EYS: variants seen among roughly 807,000 people sequenced by gnomAD.
The protein encoded by EYS is protein eyes shut homolog.
EYS carries 250 observed loss-of-function variants against 282.1 expected under a neutral mutation model. The observed-to-expected ratio is 0.89, with a 90% CI of 0.80 to 0.98. EYS has a LOEUF of 0.98. Among genes scored for constraint, EYS ranks in the 50% least tolerant of loss-of-function variants. EYS has a pLI of 0.00. For missense variants in EYS, 4,016 were observed against 3,709.0 expected (o/e 1.08, Z -2.15); for synonymous variants, 1,355 against 1,282.9 (o/e 1.06, Z -1.20).
intron 29 of EYS, among the ~76,000 whole-genome samples, chr6:64,337,999 T>A (rs1039987445): frequency 7.2e-5 from 11 of 152,060 alleles, no homozygotes; most frequent in Non-Finnish European, 4.4e-5. Flanking sequence ...AAAAGCCATT[T>A]ATGACAAACC....
chr6:65,188,764 CAAAAA>C (rs777137794), intron 12 of EYS, among the ~76,000 whole-genome samples: 6 of 78,762 alleles, frequency 7.6e-5, no homozygotes, highest in Non-Finnish European at 1.5e-4. Context: ...TTATTGCATG[CAAAAA>C]AAAAAAAAAA....
At chr6:64,500,718 T>G (rs1777011110) in intron 26 of EYS, among the ~76,000 whole-genome samples, 1 of 152,108 alleles carries the variant, frequency 6.6e-6, no homozygotes, top group Admixed American at 6.5e-5. Context: ...TAAATTCAAA[T>G]GCAGAGTGTG....
intron 12 of EYS, among the ~76,000 whole-genome samples, chr6:65,160,603 T>C (rs1764829886): frequency 6.6e-6 from 1 of 150,946 alleles, no homozygotes; most frequent in Non-Finnish European, 1.5e-5. Flanking sequence ...ACACTTTTTG[T>C]AGATGTCTCT....
At chr6:64,948,677 AG>A (rs1769382821) in intron 14 of EYS, among the ~76,000 whole-genome samples, 1 of 149,948 alleles carries the variant, frequency 6.7e-6, no homozygotes, top group South Asian at 2.1e-4. Flanking sequence ...TATTTTTAAA[AG>A]CACATTTTCA....
chr6:64,215,361 A>C (rs1029660533), intron 31 of EYS, among the ~76,000 whole-genome samples: 3 of 152,030 alleles, frequency 2.0e-5, no homozygotes, highest in Non-Finnish European at 4.4e-5. Context: ...AATATTTTAT[A>C]CTTGATTTAC....
intron 33 of EYS, among the ~76,000 whole-genome samples, chr6:64,023,281 G>A (rs1769279738): frequency 6.6e-6 from 1 of 152,164 alleles, no homozygotes; most frequent in Non-Finnish European, 1.5e-5. Context: ...CTCCATTTGG[G>A]TTGTGAACAA....
At chr6:65,597,352 G>C (rs936886781) in intron 2 of EYS, among the ~76,000 whole-genome samples, 2 of 151,922 alleles carry the variant, frequency 1.3e-5, no homozygotes, top group East Asian at 3.9e-4. Flanking sequence ...CAATAAATGA[G>C]GAACACTCTT....
At chr6:65,516,961 T>C (rs59517464) in intron 2 of EYS, among the ~76,000 whole-genome samples, 6,071 of 152,086 alleles carry the variant, frequency 0.04, 281 homozygotes, top group African/African-American at 0.11. Context: ...CACTGTATGA[T>C]GTTGTTATTT....
chr6:64,850,559 G>A (rs1049483141), intron 19 of EYS, among the ~76,000 whole-genome samples: 1 of 151,976 alleles, frequency 6.6e-6, no homozygotes, highest in Non-Finnish European at 1.5e-5. Flanking sequence ...GACAGCAGGA[G>A]GAATTAAACA....
At chr6:65,454,084 T>A (rs899152218) in intron 5 of EYS, among the ~76,000 whole-genome samples, 1 of 151,100 alleles carries the variant, frequency 6.6e-6, no homozygotes, top group Admixed American at 6.7e-5. Context: ...CTATTTTTCA[T>A]TTTTTGAGGA....
At chr6:64,680,670 T>G (rs940750295) in intron 22 of EYS, among the ~76,000 whole-genome samples, 3 of 152,170 alleles carry the variant, frequency 2.0e-5, no homozygotes, top group African/African-American at 7.2e-5. Flanking sequence ...CCCCAACTCA[T>G]AGGGCAGAAT....
At chr6:65,505,608 A>G (rs892834936) in intron 2 of EYS, among the ~76,000 whole-genome samples, 11 of 152,046 alleles carry the variant, frequency 7.2e-5, no homozygotes, top group African/African-American at 2.7e-4. Flanking sequence ...ATTTTCATTT[A>G]GTTCAAAATA....
chr6:65,160,833 ATTATAT>A (rs1177676491), intron 12 of EYS, among the ~76,000 whole-genome samples: 1 of 150,782 alleles, frequency 6.6e-6, no homozygotes, highest in Non-Finnish European at 1.5e-5. Context: ...TGTCTCTATA[ATTATAT>A]TTATTATATT....
At chr6:64,501,952 G>T (rs571751254) in intron 26 of EYS, among the ~76,000 whole-genome samples, 5 of 152,232 alleles carry the variant, frequency 3.3e-5, no homozygotes, top group African/African-American at 1.2e-4. Flanking sequence ...TCTGGAACTT[G>T]GGCAAATTAC....
rs1020350284 is a variant in EYS at position 65,188,403 on chromosome 6, T to C, written c.2023+107460A>G. ...TCTTATTTTCTTAAAAACAGGTTTG[T>C]GTTGTAAACAAAATACAAGGAAATC... On this transcript the variant is annotated intron_variant, in intron 12 of 42. Coordinates refer to ENST00000503581, the MANE Select transcript of EYS (RefSeq NM_001142800.2). Among the ~76,000 whole-genome samples, 10 of 151,890 alleles carry C rather than the reference T, an allele frequency of 6.6e-5. 1 individual carries two copies. The South Asian group carries it at 2.1e-3, about 31-fold the overall frequency.
At chr6:63,840,048 C>CTTT (rs530439771) in intron 36 of EYS, among the ~76,000 whole-genome samples, 1 of 124,546 alleles carries the variant, frequency 8.0e-6, no homozygotes, top group African/African-American at 3.0e-5. Flanking sequence ...TTGCCCATTT[C>CTTT]TTTTTTTTTT....
At chr6:63,928,288 T>C (rs1005009626) in intron 35 of EYS, among the ~76,000 whole-genome samples, 5 of 152,206 alleles carry the variant, frequency 3.3e-5, no homozygotes, top group African/African-American at 1.2e-4. Flanking sequence ...CTCAGCTTTG[T>C]GCCTATCTTA....
Position 64,518,396 on chromosome 6 carries a change from C to G in EYS, c.5644+71827G>C, listed in dbSNP as rs2150523806. Among the ~76,000 whole-genome samples the G allele has an allele frequency of 2.6e-5, 4 of 151,824 alleles. No individual in the cohort carries two copies. The Middle Eastern group carries it at 0.014, about 516-fold the overall frequency. On this transcript the variant is annotated intron_variant, in intron 26 of 42. Transcript: ENST00000503581. Reference sequence around the variant, plus strand: ...TAGTGGATGCTGCTCATGACATTTTCTGCTTTCTCATGCATACTCTGAGTC... The same window carrying G: ...TAGTGGATGCTGCTCATGACATTTTGTGCTTTCTCATGCATACTCTGAGTC...
intron 20 of EYS, among the ~76,000 whole-genome samples, chr6:64,822,133 C>A (rs575263635): frequency 6.6e-6 from 1 of 152,122 alleles, no homozygotes; most frequent in South Asian, 2.1e-4. Flanking sequence ...ATCTGTGATG[C>A]ATTCTTCTTT....
Sources: allele counts gnomAD v4.1 joint callset (sites outside exome capture counted in the v4.1 genomes callset), GRCh38; gene constraint gnomAD v4.1.1; transcripts MANE v1.5; gene names NCBI Gene and HGNC (gene_info 2026-07-23, HGNC 2026-07-21).